ASIC2: variants seen among roughly 807,000 people sequenced by gnomAD.
ASIC2 encodes the protein acid-sensing ion channel 2.
Under a neutral mutation model 57.3 loss-of-function variants are expected in ASIC2, and 25 were observed. The ratio of observed to expected loss-of-function variants is 0.44; its 90% CI spans 0.32 to 0.61. The LOEUF (loss-of-function observed/expected upper bound fraction) is 0.61, where lower values mean the gene tolerates loss of function less well. Among genes scored for constraint, ASIC2 ranks in the 20% least tolerant of loss-of-function variants. The pLI is 0.06. For missense variants in ASIC2, 641 were observed against 738.1 expected, an observed-to-expected ratio of 0.87 and a Z score of 1.52; for synonymous variants, 319 against 307.5, an observed-to-expected ratio of 1.04 and a Z score of -0.39.
chr17:33,610,054 GCACACACACACACACACA>G (rs57533251), intron 1 of ASIC2, among the ~76,000 whole-genome samples: 9 of 144,736 alleles, frequency 6.2e-5, no homozygotes, highest in Admixed American at 4.1e-4. Flanking sequence ...GGACAGAGGC[GCACACACACACACACACA>G]CACACACACA....
At chr17:33,992,081 G>C (rs968054804) in intron 1 of ASIC2, among the ~76,000 whole-genome samples, 2 of 152,136 alleles carry the variant, frequency 1.3e-5, no homozygotes, top group African/African-American at 4.8e-5. Context: ...TGGTGTCTCT[G>C]AGCCTCAGTT....
chr17:33,271,743 C>G (rs552535033), intron 1 of ASIC2, among the ~76,000 whole-genome samples: 52 of 152,340 alleles, frequency 3.4e-4, no homozygotes, highest in African/African-American at 1.2e-3. Flanking sequence ...CCTAACTTGT[C>G]ATCCAGCCTC....
At chr17:33,182,599 C>T (rs1006610689) in intron 1 of ASIC2, among the ~76,000 whole-genome samples, 1 of 152,148 alleles carries the variant, frequency 6.6e-6, no homozygotes, top group Admixed American at 6.6e-5. Flanking sequence ...CTCTTCCCTG[C>T]CTGTGTTGAG....
At chr17:33,384,393 G>A (rs1909600144) in intron 1 of ASIC2, among the ~76,000 whole-genome samples, 1 of 152,184 alleles carries the variant, frequency 6.6e-6, no homozygotes, top group Non-Finnish European at 1.5e-5. Flanking sequence ...CTAGGAGAAT[G>A]AGCTGCCCTG....
chr17:33,940,073 G>A (rs907498578), intron 1 of ASIC2, among the ~76,000 whole-genome samples: 1 of 152,180 alleles, frequency 6.6e-6, no homozygotes, highest in Non-Finnish European at 1.5e-5. Flanking sequence ...TTCTCACCTT[G>A]ACCTAGGAGA....
intron 1 of ASIC2, among the ~76,000 whole-genome samples, chr17:33,385,606 G>A (rs1909645655): frequency 6.6e-6 from 1 of 152,118 alleles, no homozygotes; most frequent in Admixed American, 6.5e-5. Context: ...ATTACTAATG[G>A]AGACAGCTGC....
intron 1 of ASIC2, among the ~76,000 whole-genome samples, chr17:33,369,003 GAAGATGGAGAAAGC>G (rs1908935417): frequency 6.6e-6 from 1 of 152,198 alleles, no homozygotes; most frequent in African/African-American, 2.4e-5. Context: ...TCCTGTTCTT[GAAGATGGAGAAAGC>G]AAGATGGAGT....
At chr17:33,857,152 AAACCAACTCTAG>A (rs1410445178) in intron 1 of ASIC2, among the ~76,000 whole-genome samples, 38 of 152,146 alleles carry the variant, frequency 2.5e-4, no homozygotes, top group Non-Finnish European at 5.3e-4. Flanking sequence ...CACTCCAGCC[AAACCAACTCTAG>A]TTCCCCATGC....
At chr17:33,044,567 G>T (rs1370130175) in intron 3 of ASIC2, among the ~76,000 whole-genome samples, 2 of 152,072 alleles carry the variant, frequency 1.3e-5, no homozygotes, top group Non-Finnish European at 2.9e-5. Flanking sequence ...TCACCATGTT[G>T]GTCAGGCTGG....
intron 1 of ASIC2, among the ~76,000 whole-genome samples, chr17:33,188,995 A>G (rs923639986): frequency 6.6e-6 from 1 of 152,154 alleles, no homozygotes; most frequent in South Asian, 2.1e-4. Context: ...GACAAAAAAG[A>G]TGGGGTGTGG....
At chr17:33,620,069 T>G (rs1419966116) in intron 1 of ASIC2, among the ~76,000 whole-genome samples, 1 of 152,092 alleles carries the variant, frequency 6.6e-6, no homozygotes, top group South Asian at 2.1e-4. Context: ...GAAAATAATA[T>G]TCTTCTGATC....
At chr17:33,557,204 A>ATG (rs138733607) in intron 1 of ASIC2, among the ~76,000 whole-genome samples, 15,517 of 152,094 alleles carry the variant, frequency 0.1, 2,100 homozygotes, top group African/African-American at 0.31. Flanking sequence ...CCATTTTACA[A>ATG]ATGTTAAGTA....
chr17:33,692,079 T>C (rs1243052476), intron 1 of ASIC2: 1 of 152,094 alleles, frequency 6.6e-6, no homozygotes, highest in Admixed American at 6.6e-5. Context: ...AGAAATAAAA[T>C]CTTATTTCTA....
intron 1 of ASIC2, among the ~76,000 whole-genome samples, chr17:33,401,509 G>T (rs992235327): frequency 6.6e-6 from 1 of 152,058 alleles, no homozygotes; most frequent in Non-Finnish European, 1.5e-5. Flanking sequence ...TGCCTCCATC[G>T]CTTGGCTGCA....
intron 1 of ASIC2, among the ~76,000 whole-genome samples, chr17:33,787,029 G>A (rs761025645): frequency 2.0e-5 from 3 of 152,214 alleles, no homozygotes; most frequent in South Asian, 2.1e-4. Flanking sequence ...CTGATTTACA[G>A]ATACTCTTCT....
At chr17:34,047,363 C>A (rs1344321162) in intron 1 of ASIC2, among the ~76,000 whole-genome samples, 1 of 151,970 alleles carries the variant, frequency 6.6e-6, no homozygotes, top group Non-Finnish European at 1.5e-5. Flanking sequence ...CACCATAAAC[C>A]CTCATTTCAC....
chr17:33,939,063 A>G lies in ASIC2; in HGVS notation c.555+216915T>C, dbSNP rs544005633. ...GGCCTAGGTCCTCCTTTGAAGGCTTACTTTTCATGGTCCCTGCCAGCCCAT... is the reference window on the plus strand; with the variant it reads ...GGCCTAGGTCCTCCTTTGAAGGCTTGCTTTTCATGGTCCCTGCCAGCCCAT... On this transcript the variant is annotated intron_variant, in intron 1 of 9. Coordinates refer to the ASIC2 transcript ENST00000359872. 8.5e-5 allele frequency among the ~76,000 whole-genome samples: 13 copies of G among 152,338 alleles called. No homozygotes were observed. In the South Asian group the frequency reaches 2.1e-3, roughly 24 times the overall value.
chr17:33,187,214 A>G (rs1206713403), intron 1 of ASIC2, among the ~76,000 whole-genome samples: 1 of 152,216 alleles, frequency 6.6e-6, no homozygotes, highest in African/African-American at 2.4e-5. Context: ...GTTCTTCTCC[A>G]TGACAACACC....
intron 1 of ASIC2, among the ~76,000 whole-genome samples, chr17:33,802,967 T>C (rs1170783418): frequency 6.6e-6 from 1 of 150,814 alleles, no homozygotes; most frequent in African/African-American, 2.4e-5. Context: ...TAAGTGCGCA[T>C]AGCCAAAGTA....
Sources: gnomAD v4.1 joint callset for allele counts (sites outside exome capture counted in the v4.1 genomes callset) on GRCh38, gnomAD v4.1.1 for gene constraint, MANE v1.5 for transcripts, NCBI Gene and HGNC (gene_info 2026-07-23, HGNC 2026-07-21) for gene names.